The following ZCCHC14 variants were observed in gnomAD, a reference collection of about 807,000 sequenced individuals.
The protein encoded by ZCCHC14 is zinc finger CCHC-type containing 14.
A neutral mutation model predicts 85.0 loss-of-function variants in ZCCHC14; 16 were observed. The observed-to-expected ratio is 0.19, with a 90% CI of 0.13 to 0.29. The LOEUF (loss-of-function observed/expected upper bound fraction) is 0.29, where lower values mean the gene tolerates loss of function less well. ZCCHC14 is among the 10% of genes least tolerant of loss of function. The pLI is 1.00. For missense variants in ZCCHC14, 1,303 were observed against 1,443.5 expected, an observed-to-expected ratio of 0.90 and a Z score of 1.58; for synonymous variants, 775 against 630.7, an observed-to-expected ratio of 1.23 and a Z score of -3.43.
chr16:87,454,212 G>A (rs188047624), intron 2 of ZCCHC14, among the ~76,000 whole-genome samples: 5 of 152,310 alleles, frequency 3.3e-5, no homozygotes, highest in Admixed American at 6.5e-5. Context: ...AGTCTCAGAT[G>A]GAGAAGAGGA....
At chr16:87,423,498 G>C (rs1275703608) in intron 4 of ZCCHC14, among the ~76,000 whole-genome samples, 5 of 152,204 alleles carry the variant, frequency 3.3e-5, no homozygotes, top group African/African-American at 9.7e-5. Context: ...CTTTGCCAAG[G>C]AAACCTGGGG....
chr16:87,483,439 C>A (rs138439069), intron 1 of ZCCHC14, among the ~76,000 whole-genome samples: 1 of 150,560 alleles, frequency 6.6e-6, no homozygotes, highest in Non-Finnish European at 1.5e-5. Flanking sequence ...TGCAGTGAAC[C>A]GAGATCACAC....
At position 87,412,281 on chromosome 16, in the gene ZCCHC14, A is replaced by G. The variant is rs1303955917; in HGVS notation, c.2440T>C (p.Tyr814His). ...PAIINPRTAL[Y>H]TANTKVAFSA... The stretch of plus-strand genomic sequence containing the variant: ...AAGGCAACTTTGGTGTTGGCTGTGT[A>G]CAGAGCAGTCCGGGGGTTTATTATT... The change falls in exon 12 of 13, where the codon TAC (tyrosine) becomes CAC (histidine). Residue 814 changes from tyrosine (Y) to histidine (H), a missense_variant. Transcript: ENST00000671377. 6.2e-7 allele frequency: 1 copy of G among 1,613,818 alleles called. No homozygotes were observed. The highest frequency in any genetic ancestry group is 8.5e-7 in the Non-Finnish European group (1 of 1,180,024).
At chr16:87,443,634 G>A (rs1910290471) in intron 2 of ZCCHC14, among the ~76,000 whole-genome samples, 1 of 152,210 alleles carries the variant, frequency 6.6e-6, no homozygotes, top group Admixed American at 6.5e-5. Context: ...CTACTCGGGA[G>A]GCCAAGGCTG....
At chr16:87,477,132 A>G in intron 1 of ZCCHC14, among the ~76,000 whole-genome samples, 1 of 144,870 alleles carries the variant, frequency 6.9e-6, no homozygotes, top group East Asian at 2.0e-4. Context: ...AAAAAAAAAA[A>G]AAAAAAAAAC....
At chr16:87,432,971 A>G (rs1909737176) in intron 3 of ZCCHC14, among the ~76,000 whole-genome samples, 157 bp downstream of exon 3, 2 of 126,742 alleles carry the variant, frequency 1.6e-5, no homozygotes, top group Admixed American at 1.8e-4. Flanking sequence ...CCCACCCTGG[A>G]GACAGCCCAC....
Position 87,491,619 on chromosome 16 carries a change from T to G in ZCCHC14, c.570+50A>C. On this transcript the variant is annotated intron_variant, in intron 1 of 12. Coordinates refer to ENST00000671377, the MANE Select transcript of ZCCHC14 (RefSeq NM_015144.3). This position sits in a 1 kb window ranked among gnomAD's most constrained non-coding sequence, Gnocchi z 5.9. ...CAGGCTGGAGGCTTGGAGTGCAGAG[T>G]TGGGGATGCAGACTTGGGGTACAGG... 2 of 1,342,388 alleles carry G rather than the reference T, an allele frequency of 1.5e-6. No individual in the cohort carries two copies. Among genetic ancestry groups the G allele is most frequent in the Non-Finnish European group, 1.9e-6 (2 of 1,048,124 alleles). 83.2% of individuals were successfully genotyped at this position (1,342,388 alleles called of 1,614,324 possible). A position where few individuals can be genotyped will look rare whatever the true frequency, so the allele number is the denominator to read the frequency against.
chr16:87,438,039 T>C (rs1910013094), intron 2 of ZCCHC14, among the ~76,000 whole-genome samples: 1 of 152,216 alleles, frequency 6.6e-6, no homozygotes, highest in African/African-American at 2.4e-5. Flanking sequence ...GTGGCAGGAA[T>C]AACATGGTTG....
At chr16:87,451,717 G>A (rs1910714862) in intron 2 of ZCCHC14, among the ~76,000 whole-genome samples, 4 of 152,222 alleles carry the variant, frequency 2.6e-5, no homozygotes, top group Admixed American at 2.6e-4. Context: ...CTACAGTCAG[G>A]GCCCAGGAGC....
intron 8 of ZCCHC14, among the ~76,000 whole-genome samples, chr16:87,415,862 G>A (rs892786103): frequency 1.2e-4 from 19 of 152,176 alleles, no homozygotes; most frequent in South Asian, 4.2e-4. Flanking sequence ...CACCCTCTGC[G>A]GGATGGTCGT....
Position 87,420,825 on chromosome 16 carries a change from G to A in ZCCHC14, c.841-109C>T, listed in dbSNP as rs1425548706. On this transcript the variant is annotated intron_variant, in intron 4 of 12. Coordinates refer to ENST00000671377, the MANE Select transcript of ZCCHC14 (RefSeq NM_015144.3). This position sits in a 1 kb window ranked among gnomAD's most constrained non-coding sequence, Gnocchi z 5.0. ...CAGGTGCTCCATGGTGCCGCCTGCT[G>A]GTCTGATATGATTTACACCTCCCGT... 1 of 833,290 alleles carries A rather than the reference G, an allele frequency of 1.2e-6. No individual in the cohort carries two copies. Among genetic ancestry groups the A allele is most frequent in the African/African-American group, 1.7e-5 (1 of 57,944 alleles). 51.6% of individuals were successfully genotyped at this position (833,290 alleles called of 1,614,324 possible).
At chr16:87,475,172 C>T (rs982679234) in intron 1 of ZCCHC14, among the ~76,000 whole-genome samples, 1 of 152,150 alleles carries the variant, frequency 6.6e-6, no homozygotes, top group African/African-American at 2.4e-5. Context: ...GCCCTTACAA[C>T]GGGGCTCAGG....
At position 87,492,561 on chromosome 16, in the gene ZCCHC14, A is replaced by G. The variant is rs1372981626; in HGVS notation, c.-323T>C. On this transcript the variant is annotated 5_prime_UTR_variant, in exon 1 of 13. Coordinates refer to ENST00000671377, the MANE Select transcript of ZCCHC14 (RefSeq NM_015144.3). This position sits in a 1 kb window ranked among gnomAD's most constrained non-coding sequence, Gnocchi z 6.7. Reference sequence around the variant, plus strand: ...AGGCGCCTTCCCCGCGCCCGTGCCCAGCGGCGGCCGGTGCGCGGCGGCGGC... The same window carrying G: ...AGGCGCCTTCCCCGCGCCCGTGCCCGGCGGCGGCCGGTGCGCGGCGGCGGC... The G allele has an allele frequency of 7.0e-6, 1 of 141,980 alleles. No homozygotes were observed. Among genetic ancestry groups the G allele is most frequent in the Non-Finnish European group, 1.5e-5 (1 of 64,762 alleles). The allele number at this position is 141,980 out of a possible 1,614,324, so 8.8% of individuals were successfully genotyped here. A position where few individuals can be genotyped will look rare whatever the true frequency, so the allele number is the denominator to read the frequency against.
intron 2 of ZCCHC14, among the ~76,000 whole-genome samples, chr16:87,433,737 G>C (rs747453039): frequency 1.3e-5 from 2 of 152,010 alleles, no homozygotes; most frequent in Non-Finnish European, 2.9e-5. Flanking sequence ...TGCCTCCTGG[G>C]TTCAAGCGAT....
intron 2 of ZCCHC14, among the ~76,000 whole-genome samples, chr16:87,450,419 T>C (rs951251915): frequency 6.6e-6 from 1 of 152,222 alleles, no homozygotes; most frequent in African/African-American, 2.4e-5. Context: ...TTTTAGGACA[T>C]GCAATGTTAT....
chr16:87,453,209 T>G (rs1368671906), intron 2 of ZCCHC14, among the ~76,000 whole-genome samples: 1 of 152,218 alleles, frequency 6.6e-6, no homozygotes, highest in Non-Finnish European at 1.5e-5. Flanking sequence ...AGAGCCCGAC[T>G]AGGGGCAGGT....
chr16:87,454,895 C>T (rs1464846914), intron 2 of ZCCHC14, among the ~76,000 whole-genome samples: 2 of 152,206 alleles, frequency 1.3e-5, no homozygotes, highest in African/African-American at 4.8e-5. Flanking sequence ...GACGGGGCGG[C>T]CCCTGATCTG....
chr16:87,469,819 C>T (rs1911699090), intron 1 of ZCCHC14, among the ~76,000 whole-genome samples: 1 of 152,144 alleles, frequency 6.6e-6, no homozygotes, highest in Non-Finnish European at 1.5e-5. Flanking sequence ...GCAGCACACC[C>T]CCAGAAGCAC....
chr16:87,465,789 G>A (rs1280990305), intron 1 of ZCCHC14, among the ~76,000 whole-genome samples: 1 of 152,114 alleles, frequency 6.6e-6, no homozygotes, highest in Non-Finnish European at 1.5e-5. Flanking sequence ...TCTTCACCAT[G>A]ATCAAAACAG....
Sources: allele counts gnomAD v4.1 joint callset (sites outside exome capture counted in the v4.1 genomes callset), GRCh38; gene constraint gnomAD v4.1.1; non-coding constraint Gnocchi (gnomAD v3.1); transcripts MANE v1.5; gene names NCBI Gene and HGNC (gene_info 2026-07-23, HGNC 2026-07-21).